The following IGSF21 variants were observed in gnomAD, a reference collection of about 807,000 sequenced individuals.
The protein encoded by IGSF21 is immunoglobulin superfamily member 21.
Under a neutral mutation model 46.8 loss-of-function variants are expected in IGSF21, and 28 were observed. The ratio of observed to expected loss-of-function variants is 0.60; its 90% confidence interval spans 0.44 to 0.82. The LOEUF is 0.82. Ranked by LOEUF, IGSF21 falls within the 40% of genes least tolerant of loss-of-function variation. The pLI, the probability that IGSF21 is intolerant of heterozygous loss-of-function variation, is 0.00. For missense variants in IGSF21, 624 were observed against 665.5 expected, an observed-to-expected ratio of 0.94 and a Z score of 0.69; for synonymous variants, 284 against 273.6, an observed-to-expected ratio of 1.04 and a Z score of -0.38.
intron 4 of IGSF21, among the ~76,000 whole-genome samples, chr1:18,356,694 T>C (rs970522799): frequency 6.6e-6 from 1 of 152,200 alleles, no homozygotes; most frequent in Admixed American, 6.5e-5. Flanking sequence ...GGCCAGAGAC[T>C]GTAACAGTGA....
At chr1:18,217,044 G>A (rs1048644759) in intron 1 of IGSF21, among the ~76,000 whole-genome samples, 2 of 152,020 alleles carry the variant, frequency 1.3e-5, no homozygotes, top group African/African-American at 2.4e-5. Flanking sequence ...AGGGTGGTGC[G>A]AGGAATTTAT....
At chr1:18,280,905 G>A (rs1364476082) in intron 2 of IGSF21, among the ~76,000 whole-genome samples, 1 of 152,142 alleles carries the variant, frequency 6.6e-6, no homozygotes, top group East Asian at 1.9e-4. Flanking sequence ...CCCCTTCTGG[G>A]CAGGGCCTGC....
At chr1:18,262,077 G>A (rs1195975403) in intron 2 of IGSF21, among the ~76,000 whole-genome samples, 2 of 152,188 alleles carry the variant, frequency 1.3e-5, no homozygotes, top group East Asian at 3.9e-4. Context: ...TGATTCAGCA[G>A]GTCTGGGGCG....
At chr1:18,250,384 G>A (rs1030722231) in intron 2 of IGSF21, among the ~76,000 whole-genome samples, 9 of 151,800 alleles carry the variant, frequency 5.9e-5, no homozygotes, top group Non-Finnish European at 1.2e-4. Flanking sequence ...CAGCTGCCCC[G>A]TCCACACCAC....
At chr1:18,346,636 A>G (rs975928995) in intron 4 of IGSF21, among the ~76,000 whole-genome samples, 3 of 152,176 alleles carry the variant, frequency 2.0e-5, no homozygotes, top group Admixed American at 1.3e-4. Flanking sequence ...GAAGGTTCCA[A>G]TGCAACCACG....
chr1:18,291,724 G>A, intron 2 of IGSF21, 142 bp from the exon 3 acceptor site: 1 of 980,280 alleles, frequency 1.0e-6, no homozygotes, highest in South Asian at 1.7e-5. Flanking sequence ...CCTCCAGGAA[G>A]CCCTCGGTTA....
intron 1 of IGSF21, among the ~76,000 whole-genome samples, chr1:18,189,407 G>A (rs906205032): frequency 2.6e-5 from 4 of 152,202 alleles, no homozygotes; most frequent in Admixed American, 1.3e-4. Flanking sequence ...TTTCGTGGAG[G>A]ATGAATTTTT....
At chr1:18,140,934 C>CT (rs1026958971) in intron 1 of IGSF21, among the ~76,000 whole-genome samples, 10 of 152,224 alleles carry the variant, frequency 6.6e-5, no homozygotes, top group African/African-American at 2.2e-4. Flanking sequence ...TTGTACACCC[C>CT]TTAGCCCTCT....
At chr1:18,247,848 C>T (rs2084799976) in intron 2 of IGSF21, among the ~76,000 whole-genome samples, 1 of 152,162 alleles carries the variant, frequency 6.6e-6, no homozygotes, top group South Asian at 2.1e-4. Context: ...ATCATTTGCT[C>T]AAGATCCCAC....
At chr1:18,271,600 G>A (rs185678160) in intron 2 of IGSF21, among the ~76,000 whole-genome samples, 291 of 152,300 alleles carry the variant, frequency 1.9e-3, no homozygotes, top group African/African-American at 6.7e-3. Flanking sequence ...TGCGGTTGCT[G>A]TGATTCCTCT....
At chr1:18,331,738 T>C (rs2085715493) in intron 3 of IGSF21, among the ~76,000 whole-genome samples, 2 of 152,168 alleles carry the variant, frequency 1.3e-5, no homozygotes, top group Non-Finnish European at 2.9e-5. Context: ...GAAAGCCCAG[T>C]AAACCTCTGC....
intron 1 of IGSF21, among the ~76,000 whole-genome samples, chr1:18,221,263 C>G (rs886184308): frequency 6.6e-6 from 1 of 152,214 alleles, no homozygotes; most frequent in East Asian, 1.9e-4. Context: ...GAAAACTCAT[C>G]TCGGTTTGCC....
At chr1:18,195,775 G>A (rs2087000773) in intron 1 of IGSF21, among the ~76,000 whole-genome samples, 1 of 152,228 alleles carries the variant, frequency 6.6e-6, no homozygotes, top group Non-Finnish European at 1.5e-5. Flanking sequence ...GTTCAAAGCA[G>A]AAAACACAGA....
chr1:18,113,497 G>A (rs56169608), intron 1 of IGSF21: 55,633 of 151,820 alleles, frequency 0.37, 11,321 homozygotes, highest in Non-Finnish European at 0.46. Flanking sequence ...CCAGACTTTA[G>A]TCCCCTCCCA....
rs1410722009 is a variant in IGSF21 at position 18,108,058 on chromosome 1, C to A, written c.-71C>A. 1.0e-5 allele frequency: 7 copies of A among 681,188 alleles called. No individual in the cohort carries two copies. Among genetic ancestry groups the A allele is most frequent in the Non-Finnish European group, 1.5e-5 (7 of 464,030 alleles). 42.2% of individuals were successfully genotyped at this position (681,188 alleles called of 1,614,324 possible). On this transcript the variant is annotated 5_prime_UTR_variant, in exon 1 of 10. Coordinates refer to ENST00000251296, the MANE Select transcript of IGSF21 (RefSeq NM_032880.5). ...CCGGAGGCAGGAGCGCGTCTGAGCCCATGGCGAGGGGACCCGCCGCCACCG... is the reference window on the plus strand; with the variant it reads ...CCGGAGGCAGGAGCGCGTCTGAGCCAATGGCGAGGGGACCCGCCGCCACCG...
chr1:18,225,563 C>G (rs1309491586), intron 1 of IGSF21, among the ~76,000 whole-genome samples: 1 of 152,186 alleles, frequency 6.6e-6, no homozygotes, highest in Non-Finnish European at 1.5e-5. Flanking sequence ...CCTCCTCTTT[C>G]CAGTGGGAGG....
intron 1 of IGSF21, among the ~76,000 whole-genome samples, chr1:18,133,084 C>T (rs954953637): frequency 6.6e-6 from 1 of 152,146 alleles, no homozygotes; most frequent in Non-Finnish European, 1.5e-5. Flanking sequence ...TAAATCAGTC[C>T]GGTTTTAAAA....
At chr1:18,142,539 G>A (rs978072653) in intron 1 of IGSF21, among the ~76,000 whole-genome samples, 9 of 152,096 alleles carry the variant, frequency 5.9e-5, no homozygotes, top group Non-Finnish European at 1.3e-4. Flanking sequence ...GGCCCTCCCT[G>A]CCCCTTCCCA....
intron 1 of IGSF21, among the ~76,000 whole-genome samples, chr1:18,144,003 G>A (rs374173505): frequency 7.9e-5 from 12 of 152,274 alleles, no homozygotes; most frequent in Middle Eastern, 3.4e-3. Context: ...TTAAGGCTTC[G>A]TGATGGCAGA....
Sources: gnomAD v4.1 joint callset for allele counts (sites outside exome capture counted in the v4.1 genomes callset) on GRCh38, gnomAD v4.1.1 for gene constraint, MANE v1.5 for transcripts, NCBI Gene and HGNC (gene_info 2026-07-23, HGNC 2026-07-21) for gene names.